Variants in TWF1 observed in about 807,000 individuals in gnomAD.
The protein encoded by TWF1 is twinfilin actin binding protein 1.
TWF1 carries 14 observed loss-of-function variants against 47.9 expected under a neutral mutation model. That is an observed-to-expected ratio of 0.29 (90% CI 0.19 to 0.46). The LOEUF is 0.46. Among genes scored for constraint, TWF1 ranks in the 20% least tolerant of loss-of-function variants. The pLI is 1.00. For synonymous variants in TWF1, 96 were observed against 139.2 expected (o/e 0.69, Z 2.18); for missense variants, 281 against 409.3 (o/e 0.69, Z 2.70).
intron 1 of TWF1, 156 bp downstream of exon 1, chr12:43,806,065 G>A: frequency 6.6e-7 from 1 of 1,517,936 alleles, no homozygotes; most frequent in Non-Finnish European, 8.8e-7. Flanking sequence ...CGCCCGGGAA[G>A]CAGGAGCGCG....
intron 1 of TWF1, chr12:43,805,656 C>T (rs1942747648): frequency 1.6e-6 from 1 of 633,370 alleles, no homozygotes; most frequent in African/African-American, 1.9e-5. Flanking sequence ...AAGATCAAAA[C>T]ACACGCTTAC....
At chr12:43,799,801 T>G (rs1479925595) in intron 4 of TWF1, among the ~76,000 whole-genome samples, 1 of 152,126 alleles carries the variant, frequency 6.6e-6, no homozygotes. Flanking sequence ...ATAGGACAAC[T>G]GTAATTAACC....
At chr12:43,798,788 T>C (rs1034687719) in intron 5 of TWF1, among the ~76,000 whole-genome samples, 12 of 152,122 alleles carry the variant, frequency 7.9e-5, no homozygotes, top group Middle Eastern at 3.4e-3. Context: ...AGCTAATGAA[T>C]AGTGGTTTCA....
rs546075625 is a variant in TWF1, at chr12:43,798,443, C to A, written c.484-610G>T. On this transcript the variant is annotated intron_variant, in intron 5 of 8. Coordinates refer to ENST00000395510, the MANE Select transcript of TWF1 (RefSeq NM_002822.5). ...ATAAATGATAGCTAGTAGAGAGTCT[C>A]ATTCGCAGTGTTGCAACAGAAAGTC... is the stretch of plus-strand genomic sequence containing the variant. The A allele has an allele frequency of 1.6e-4, 142 of 884,760 alleles. 1 individual carries two copies. In the South Asian group the frequency reaches 2.6e-3, roughly 16 times the overall value. 54.8% of individuals were successfully genotyped at this position (884,760 alleles called of 1,614,324 possible). A position where few individuals can be genotyped will look rare whatever the true frequency, so the allele number is the denominator to read the frequency against.
intron 1 of TWF1, 106 bp downstream of exon 1, chr12:43,806,115 T>C (rs1021821930): frequency 6.6e-7 from 1 of 1,523,912 alleles, no homozygotes; most frequent in Non-Finnish European, 8.8e-7. Flanking sequence ...GAGACCGACT[T>C]CCGGAGCTCC....
intron 2 of TWF1, 145 bp from the exon 3 acceptor site, chr12:43,802,609 T>C (rs964163341): frequency 3.2e-6 from 2 of 620,356 alleles, no homozygotes; most frequent in Non-Finnish European, 5.6e-6. Context: ...TGTGGTAACA[T>C]AGAAAGTAAT....
At chr12:43,802,704 A>G (rs1358881735) in intron 2 of TWF1, among the ~76,000 whole-genome samples, 2 of 152,222 alleles carry the variant, frequency 1.3e-5, no homozygotes, top group East Asian at 1.9e-4. Context: ...AGAAAGAAAC[A>G]TATAAAAATG....
chr12:43,800,388 T>C, intron 4 of TWF1, 47 bp downstream of exon 4: 1 of 1,436,946 alleles, frequency 7.0e-7, no homozygotes, highest in Non-Finnish European at 9.7e-7. Flanking sequence ...AGTTCCTCTT[T>C]AATCATTTTA....
At chr12:43,805,729 T>C in intron 1 of TWF1, 1 of 1,187,234 alleles carries the variant, frequency 8.4e-7, no homozygotes, top group South Asian at 1.2e-5. Context: ...CGGGAGAGTT[T>C]TGGGAAGCAC....
At chr12:43,806,046 G>C (rs1300742308) in intron 1 of TWF1, 175 bp downstream of exon 1, 1 of 1,519,356 alleles carries the variant, frequency 6.6e-7, no homozygotes, top group Non-Finnish European at 8.8e-7. Context: ...GGAGGACGCA[G>C]GCCGGCAGCG....
chr12:43,797,861 TTTAGCAG>T (rs1349350645), intron 5 of TWF1, 28 bp from the exon 6 acceptor site: 1 of 1,605,394 alleles, frequency 6.2e-7, no homozygotes, highest in Non-Finnish European at 8.5e-7. Context: ...AATTTACAAG[TTTAGCAG>T]TTAGCAGTAT....
chr12:43,795,567 A>G lies in TWF1; in HGVS notation c.*18T>C, dbSNP rs768298154. 6 of 1,605,542 alleles carry G rather than the reference A, an allele frequency of 3.7e-6. No homozygotes were observed. Among genetic ancestry groups the G allele is most frequent in the Non-Finnish European group, 5.1e-6 (6 of 1,176,154 alleles). On this transcript the variant is annotated 3_prime_UTR_variant, in exon 9 of 9. Transcript: ENST00000395510. ...GGACTTTTAAAAAACTAGTATTACAATGTTTAATGTGATGACTTTAATCAG... is the reference window on the plus strand; with the variant it reads ...GGACTTTTAAAAAACTAGTATTACAGTGTTTAATGTGATGACTTTAATCAG...
chr12:43,796,599 C>T (rs766812589), intron 8 of TWF1, among the ~76,000 whole-genome samples: 1 of 152,114 alleles, frequency 6.6e-6, no homozygotes, highest in Non-Finnish European at 1.5e-5. Context: ...CACAAGTATG[C>T]AGCTCTGGCA....
intron 1 of TWF1, chr12:43,806,009 C>A (rs1221818870): frequency 2.0e-6 from 3 of 1,526,280 alleles, no homozygotes; most frequent in South Asian, 1.2e-5. Flanking sequence ...CAATCTGCAA[C>A]GTGACGGCAG....
At position 43,800,497 on chromosome 12, in the gene TWF1, C is replaced by T. The variant is rs766739921; in HGVS notation, c.316G>A (p.Ala106Thr). ...RQKMLYAATR[A>T]TLKKEFGGGH... The stretch of plus-strand genomic sequence containing the variant: ...CCTCCAAATTCCTTCTTCAGAGTTG[C>T]TCTTGTTGCTGCATACAACATTTTT... The change falls in exon 4 of 9, where the codon GCA becomes ACA. Residue 106 changes from alanine to threonine, a missense_variant. Coordinates refer to ENST00000395510, the MANE Select transcript of TWF1 (RefSeq NM_002822.5). The T allele has an allele frequency of 2.5e-6, 4 of 1,613,632 alleles. No individual in the cohort carries two copies. Among genetic ancestry groups the T allele is most frequent in the Non-Finnish European group, 3.4e-6 (4 of 1,179,886 alleles).
rs1275887337 is a variant in TWF1 at position 43,797,436 on chromosome 12, T to C, written c.626A>G (p.Asn209Ser). 1 of 1,592,428 alleles carries C rather than the reference T, an allele frequency of 6.3e-7. No individual in the cohort carries two copies. Among genetic ancestry groups the C allele is most frequent in the Non-Finnish European group, 8.6e-7 (1 of 1,168,754 alleles). The change falls in exon 7 of 9, where the codon AAT becomes AGT. Residue 209 changes from asparagine to serine, a missense_variant. Transcript: ENST00000395510. ...TGTGTTGGCCAAAATTATAATTTCA[T>C]TTTTTATATCTATTTCCTGCCAATA... ...NYVQLEIDIK[N>S]EIIILANTTN...
In TWF1 at chr12:43,804,507, A is replaced by C. The variant is rs1942721183; in HGVS notation, c.91T>G (p.Ser31Ala). The change falls in exon 2 of 9, where the codon TCT becomes GCT. Residue 31 changes from serine to alanine, a missense_variant. By Grantham distance (99) the Ser-to-Ala change is moderately conservative. Coordinates refer to ENST00000395510, the MANE Select transcript of TWF1 (RefSeq NM_002822.5). ...ATATTTAACTAACCATTTTCAATAG[A>C]TATTTTCAGAAGTCTGTACTTTCCA... ...RNGKYRLLKI[S>A]IENEQLVIGS... The C allele has an allele frequency of 6.3e-7, 1 of 1,589,152 alleles. No homozygotes were observed. The highest frequency in any genetic ancestry group is 1.7e-5 in the Admixed American group (1 of 58,062).
intron 6 of TWF1, 34 bp downstream of exon 6, chr12:43,797,674 A>C: frequency 6.2e-7 from 1 of 1,601,808 alleles, no homozygotes; most frequent in Non-Finnish European, 8.5e-7. Flanking sequence ...TACCAAAAAG[A>C]GCAGCCACTT....
intron 8 of TWF1, among the ~76,000 whole-genome samples, chr12:43,796,429 C>T (rs904483732): frequency 6.6e-6 from 1 of 152,078 alleles, no homozygotes; most frequent in Non-Finnish European, 1.5e-5. Flanking sequence ...CATGCCTTAT[C>T]TGTACTTAAG....
Sources: gnomAD v4.1 joint callset for allele counts (sites outside exome capture counted in the v4.1 genomes callset) on GRCh38, gnomAD v4.1.1 for gene constraint, MANE v1.5 for transcripts, NCBI Gene and HGNC (gene_info 2026-07-23, HGNC 2026-07-21) for gene names.